IGLL5: variants seen among roughly 807,000 people sequenced by gnomAD.
IGLL5 encodes the protein immunoglobulin lambda-like polypeptide 5.
In IGLL5, 30 loss-of-function variants were observed where a neutral mutation model predicts 20.9. The ratio of observed to expected loss-of-function variants is 1.44; its 90% CI spans 1.07 to 1.95. IGLL5 has a LOEUF of 1.95. Ranked by LOEUF, IGLL5 falls within the 30% of genes most tolerant of loss-of-function variation. The pLI, the probability that IGLL5 is intolerant of heterozygous loss-of-function variation, is 0.00. For missense variants in IGLL5, 475 were observed against 270.7 expected (o/e 1.75, Z -5.30); for synonymous variants, 203 against 117.3 (o/e 1.73, Z -4.72).
rs2066754671 is a variant in IGLL5, at chr22:22,895,752, GTC to G, written c.*65_*66del. Reference sequence around the variant, plus strand: ...GGAGCTGCAGGATCCCAGGGGAGGGGTCTCTCTCCCCATCCCAAGTCATCCAG... The same window carrying G: ...GGAGCTGCAGGATCCCAGGGGAGGGGTCTCTCCCCATCCCAAGTCATCCAG... On this transcript the variant is annotated 3_prime_UTR_variant, in exon 3 of 3. Coordinates refer to ENST00000526893, the MANE Select transcript of IGLL5 (RefSeq NM_001178126.2). 6.6e-7 allele frequency: 1 copy of G among 1,514,698 alleles called. No individual in the cohort carries two copies. The highest frequency in any genetic ancestry group is 1.4e-5 in the African/African-American group (1 of 72,858). The allele number at this position is 1,514,698 out of a possible 1,614,324, so 93.8% of individuals were successfully genotyped here.
intron 1 of IGLL5, among the ~76,000 whole-genome samples, chr22:22,889,505 G>GCATTATTAGTGATGGGAGAAAACTGGA: frequency 6.6e-6 from 1 of 151,328 alleles, no homozygotes; most frequent in South Asian, 2.1e-4. Flanking sequence ...GGTTAGCTCA[G>GCATTATTAGTGATGGGAGAAAACTGGA]CATTATTAGT....
At chr22:22,894,032 GGGCCTGA>G (rs2146032654) in intron 2 of IGLL5, among the ~76,000 whole-genome samples, 1 of 150,202 alleles carries the variant, frequency 6.7e-6, no homozygotes, top group African/African-American at 2.5e-5. Flanking sequence ...CCTGGTCCCG[GGGCCTGA>G]GCTGGGATTG....
At chr22:22,889,071 T>C (rs532720309) in intron 1 of IGLL5, among the ~76,000 whole-genome samples, 1 of 151,164 alleles carries the variant, frequency 6.6e-6, no homozygotes, top group Admixed American at 6.6e-5. Context: ...TTGGATGGAT[T>C]TAGGTAGATT....
intron 2 of IGLL5, among the ~76,000 whole-genome samples, chr22:22,894,421 G>GCA: frequency 6.6e-6 from 1 of 151,472 alleles, no homozygotes; most frequent in African/African-American, 2.4e-5. Flanking sequence ...GGACGGGTGA[G>GCA]ACTGGGTGAG....
rs1259447254 is a variant in IGLL5, at chr22:22,890,983, T to C, written c.207-2717T>C. On this transcript the variant is annotated intron_variant, in intron 1 of 2. Transcript: ENST00000526893. ...TATATATCAATAACATATTGGGATA[T>C]ATTTGGGATTTTAACCACTTGTTTA... Among the ~76,000 whole-genome samples, 28 of 151,218 alleles carry C rather than the reference T, an allele frequency of 1.9e-4. 1 individual carries two copies. The Admixed American group carries it at 1.9e-3, about 10-fold the overall frequency.
chr22:22,894,235 G>C (rs530925852), intron 2 of IGLL5, among the ~76,000 whole-genome samples: 10 of 151,310 alleles, frequency 6.6e-5, no homozygotes, highest in East Asian at 6.1e-4. Flanking sequence ...GCAGCCCCAA[G>C]AACAGCTGAG....
chr22:22,894,189 G>T (rs375275090), intron 2 of IGLL5, among the ~76,000 whole-genome samples: 1 of 151,514 alleles, frequency 6.6e-6, no homozygotes, highest in African/African-American at 2.4e-5. Flanking sequence ...CTGCTGGGGT[G>T]GGCCTGGGAG....
intron 2 of IGLL5, among the ~76,000 whole-genome samples, chr22:22,894,100 A>T (rs528633374): frequency 6.6e-6 from 1 of 151,384 alleles, no homozygotes; most frequent in East Asian, 2.0e-4. Context: ...TGAGTGAGGG[A>T]CAGAGGCTGG....
At chr22:22,894,330 ATGGAGGGCACAGAGAGGGC>A (rs2068017761) in intron 2 of IGLL5, among the ~76,000 whole-genome samples, 1 of 151,200 alleles carries the variant, frequency 6.6e-6, no homozygotes, top group Admixed American at 6.6e-5. Flanking sequence ...GGGGAGACCA[ATGGAGGGCACAGAGAGGGC>A]TCTGGGTCTA....
intron 2 of IGLL5, among the ~76,000 whole-genome samples, chr22:22,894,289 A>AAG (rs2068011920): frequency 6.6e-6 from 1 of 151,102 alleles, no homozygotes; most frequent in African/African-American, 2.4e-5. Context: ...TGGGAGGGCC[A>AAG]CACGGCCTGG....
chr22:22,895,873 A>T lies in IGLL5; in HGVS notation c.*179A>T. ...CATTTTTTTTCTCACATAAATTGCT[A>T]GCCTCCCCGGGGTTCTCAGTGTGGG... On this transcript the variant is annotated 3_prime_UTR_variant, in exon 3 of 3. Coordinates refer to ENST00000526893, the MANE Select transcript of IGLL5 (RefSeq NM_001178126.2). The T allele has an allele frequency of 1.4e-6, 1 of 694,646 alleles. No individual in the cohort carries two copies. The highest frequency in any genetic ancestry group is 2.5e-6 in the Non-Finnish European group (1 of 401,242). 43.0% of individuals were successfully genotyped at this position (694,646 alleles called of 1,614,324 possible). A position where few individuals can be genotyped will look rare whatever the true frequency, so the allele number is the denominator to read the frequency against.
Position 22,895,676 on chromosome 22 carries a change from C to T in IGLL5, c.627C>T (p.Ala209=), listed in dbSNP as rs767492673. ...GGAGCACCGTGGAGAAGACAGTGGC[C>T]CCTACAGAATGTTCATAGGTTCCCA... is the stretch of plus-strand genomic sequence containing the variant. ...HEGSTVEKTV[A]PTECS Residue 209 remains alanine (A), a synonymous_variant, in exon 3 of 3, where the codon GCC becomes GCT. Coordinates refer to ENST00000526893, the MANE Select transcript of IGLL5 (RefSeq NM_001178126.2). 4.3e-6 allele frequency: 7 copies of T among 1,613,174 alleles called. No individual in the cohort carries two copies. Among genetic ancestry groups the T allele is most frequent in the South Asian group, 2.2e-5 (2 of 91,028 alleles).
At chr22:22,894,575 G>C (rs181971226) in intron 2 of IGLL5, among the ~76,000 whole-genome samples, 5 of 151,512 alleles carry the variant, frequency 3.3e-5, no homozygotes, top group South Asian at 2.1e-4. Flanking sequence ...TCCTCAAAGG[G>C]CATGTTAGAC....
chr22:22,888,441 T>A (rs535364999), intron 1 of IGLL5, among the ~76,000 whole-genome samples, 182 bp downstream of exon 1: 4 of 151,486 alleles, frequency 2.6e-5, no homozygotes, highest in South Asian at 4.2e-4. Flanking sequence ...GAATTACTGT[T>A]TTTAATATCA....
At chr22:22,888,463 T>A (rs2067601188) in intron 1 of IGLL5, among the ~76,000 whole-genome samples, 6 of 151,400 alleles carry the variant, frequency 4.0e-5, no homozygotes, top group East Asian at 4.0e-4. Context: ...ATTACGATAT[T>A]ATTTTTCTTG....
chr22:22,889,363 T>A (rs192148615), intron 1 of IGLL5, among the ~76,000 whole-genome samples: 2 of 151,144 alleles, frequency 1.3e-5, no homozygotes, highest in East Asian at 2.0e-4. Flanking sequence ...TGTATAACCA[T>A]TTTAGCAACA....
intron 2 of IGLL5, among the ~76,000 whole-genome samples, chr22:22,894,543 T>A (rs533157232): frequency 6.6e-6 from 1 of 151,504 alleles, no homozygotes; most frequent in South Asian, 2.1e-4. Flanking sequence ...TGTCTCTCTG[T>A]TCACGGATCG....
At chr22:22,892,784 G>C (rs1050431796) in intron 1 of IGLL5, among the ~76,000 whole-genome samples, 1 of 151,080 alleles carries the variant, frequency 6.6e-6, no homozygotes, top group Non-Finnish European at 1.5e-5. Flanking sequence ...GTCAGATGCA[G>C]AGAAAATTAG....
Position 22,895,371 on chromosome 22 carries a change from A to G in IGLL5, c.326-4A>G, listed in dbSNP as rs111293266. 3 of 1,612,516 alleles carry G rather than the reference A, an allele frequency of 1.9e-6. No individual in the cohort carries two copies. Among genetic ancestry groups the G allele is most frequent in the Non-Finnish European group, 2.5e-6 (3 of 1,179,316 alleles). ...CTCTCTCACCCCCTTCCCTGTCCAC[A>G]CAGGTCAGCCCAAGGCCAACCCCAC... On this transcript the variant is annotated splice_polypyrimidine_tract_variant and splice_region_variant and intron_variant, in intron 2 of 2. Transcript: ENST00000526893.
Sources: gnomAD v4.1 joint callset for allele counts (sites outside exome capture counted in the v4.1 genomes callset) on GRCh38, gnomAD v4.1.1 for gene constraint, MANE v1.5 for transcripts, NCBI Gene and HGNC (gene_info 2026-07-23, HGNC 2026-07-21) for gene names.